GPR160: variants seen among roughly 807,000 people sequenced by gnomAD.
GPR160 encodes probable G protein-coupled receptor 160.
GPR160 carries 2 observed loss-of-function variants against 2.6 expected under a neutral mutation model. The observed-to-expected ratio is 0.77, with a 90% CI of 0.32 to 2.44. The LOEUF (loss-of-function observed/expected upper bound fraction) is 2.44. Ranked by LOEUF, GPR160 falls within the 30% of genes most tolerant of loss-of-function variation. The probability of loss-of-function intolerance (pLI) is 0.11; values close to 1 mark genes in which losing one functional copy is unlikely to be tolerated. For missense variants in GPR160, 351 were observed against 383.6 expected, an observed-to-expected ratio of 0.91 and a Z score of 0.71; for synonymous variants, 130 against 132.2, an observed-to-expected ratio of 0.98 and a Z score of 0.12.
At chr3:170,077,194 A>G (rs1031965400) in intron 2 of GPR160, 1 of 152,254 alleles carries the variant, frequency 6.6e-6, no homozygotes, top group African/African-American at 2.4e-5. Context: ...ACAGTAAACC[A>G]GAATGTTCAT....
At chr3:170,060,402 C>T (rs1711877024) in intron 2 of GPR160, among the ~76,000 whole-genome samples, 1 of 152,118 alleles carries the variant, frequency 6.6e-6, no homozygotes. Flanking sequence ...TCAGGTGAAA[C>T]TTTGTTATGC....
At chr3:170,048,452 A>G (rs1224047699) in intron 2 of GPR160, among the ~76,000 whole-genome samples, 1 of 152,128 alleles carries the variant, frequency 6.6e-6, no homozygotes, top group Admixed American at 6.5e-5. Flanking sequence ...GTATTCCCCT[A>G]TGTCTTTATA....
At chr3:170,060,770 C>G (rs942224201) in intron 2 of GPR160, among the ~76,000 whole-genome samples, 2 of 151,940 alleles carry the variant, frequency 1.3e-5, no homozygotes, top group African/African-American at 4.8e-5. Context: ...GACCCTGTCT[C>G]AAAATAATAC....
At position 170,084,941 on chromosome 3, in the gene GPR160, T is replaced by G. The variant is rs1713350263; in HGVS notation, c.969T>G (p.Ile323Met). Reference sequence around the variant, plus strand: ...AGTGCTGCTTCATTCCACTTACAATTCCTAATCTTGAGCAAATTGAAAAGC... The same window carrying G: ...AGTGCTGCTTCATTCCACTTACAATGCCTAATCTTGAGCAAATTGAAAAGC... ...NWKCCFIPLT[I>M]PNLEQIEKPI... Residue 323 changes from isoleucine to methionine, a missense_variant, in exon 4 of 4, where the codon ATT becomes ATG. By Grantham distance (10) the Ile-to-Met change is conservative (BLOSUM62 1). Transcript: ENST00000355897. The G allele has an allele frequency of 1.3e-6, 2 of 1,588,882 alleles. No homozygotes were observed. The highest frequency in any genetic ancestry group is 2.7e-5 in the African/African-American group (2 of 73,544).
chr3:170,041,394 C>T (rs186178081), intron 2 of GPR160, among the ~76,000 whole-genome samples: 3,109 of 151,226 alleles, frequency 0.021, 42 homozygotes, highest in East Asian at 0.053. Context: ...CTCCACCTCC[C>T]GGGTTCACGC....
chr3:170,083,001 G>GT (rs1171089140), intron 3 of GPR160, among the ~76,000 whole-genome samples: 38 of 141,168 alleles, frequency 2.7e-4, no homozygotes, highest in African/African-American at 8.6e-4. Context: ...TTTTGTTTTT[G>GT]TTTTTTTGCT....
intron 2 of GPR160, among the ~76,000 whole-genome samples, chr3:170,061,357 A>G (rs2108327132): frequency 6.6e-6 from 1 of 152,116 alleles, no homozygotes; most frequent in African/African-American, 2.4e-5. Flanking sequence ...CATGACAAAT[A>G]TGTGATCCTT....
intron 2 of GPR160, among the ~76,000 whole-genome samples, chr3:170,047,128 C>T (rs958020124): frequency 5.3e-5 from 8 of 152,252 alleles, no homozygotes; most frequent in African/African-American, 1.9e-4. Flanking sequence ...TTGGATTCTC[C>T]CTCCTGCCCC....
At chr3:170,062,705 A>G (rs1712030790) in intron 2 of GPR160, 1 of 1,396,960 alleles carries the variant, frequency 7.2e-7, no homozygotes, top group Non-Finnish European at 1.0e-6. Flanking sequence ...GGCCCCCGAA[A>G]AAAAGCTCAA....
intron 2 of GPR160, among the ~76,000 whole-genome samples, chr3:170,055,651 T>C (rs1366193994): frequency 6.6e-6 from 1 of 151,446 alleles, no homozygotes; most frequent in Non-Finnish European, 1.5e-5. Flanking sequence ...TTTTTTTTTT[T>C]TGAGACGGAG....
rs192778550 is a variant in GPR160 at position 170,068,003 on chromosome 3, G to C, written c.-192-11771G>C. ...GCCATATAGGAGGCACAAAATGTCTGGTTGTCTCTCCTGTTGAGATGATGG... is the reference window on the plus strand; with the variant it reads ...GCCATATAGGAGGCACAAAATGTCTCGTTGTCTCTCCTGTTGAGATGATGG... On this transcript the variant is annotated intron_variant, in intron 2 of 3. Transcript: ENST00000355897. Among the ~76,000 whole-genome samples, 59 of 152,256 alleles carry C rather than the reference G, an allele frequency of 3.9e-4. 1 individual carries two copies. Among genetic ancestry groups the C allele is most frequent in the East Asian group, 5.8e-4 (3 of 5,180 alleles).
At chr3:170,041,467 A>G (rs923915144) in intron 2 of GPR160, among the ~76,000 whole-genome samples, 3 of 152,034 alleles carry the variant, frequency 2.0e-5, no homozygotes, top group Admixed American at 1.3e-4. Flanking sequence ...ACGCCCGGCT[A>G]ATTTTTAGTA....
intron 2 of GPR160, among the ~76,000 whole-genome samples, chr3:170,051,868 G>A (rs1277544168): frequency 6.6e-6 from 1 of 152,142 alleles, no homozygotes; most frequent in Non-Finnish European, 1.5e-5. Context: ...TTTATGGTTT[G>A]TGTTTTTAAT....
chr3:170,083,877 T>A, intron 3 of GPR160, 28 bp from the exon 4 acceptor site: 1 of 637,460 alleles, frequency 1.6e-6, no homozygotes, highest in Non-Finnish European at 2.6e-6. Flanking sequence ...TAGGTAACAT[T>A]AAGGTTTTCT....
intron 2 of GPR160, among the ~76,000 whole-genome samples, chr3:170,052,629 C>T (rs1717007784): frequency 6.6e-6 from 1 of 152,114 alleles, no homozygotes; most frequent in South Asian, 2.1e-4. Context: ...GTCTGGTAGT[C>T]TGGGCACAAG....
chr3:170,074,786 T>G (rs1242533931), intron 2 of GPR160, among the ~76,000 whole-genome samples: 1 of 151,950 alleles, frequency 6.6e-6, no homozygotes, highest in Non-Finnish European at 1.5e-5. Flanking sequence ...CCTGGCCTTA[T>G]TTTTGTTTGT....
chr3:170,063,857 A>G (rs1162723037), intron 2 of GPR160, among the ~76,000 whole-genome samples: 1 of 152,258 alleles, frequency 6.6e-6, no homozygotes, highest in East Asian at 1.9e-4. Context: ...GCGGGCCGGC[A>G]TAGATTTCCT....
intron 2 of GPR160, among the ~76,000 whole-genome samples, chr3:170,044,055 G>C (rs981813209): frequency 1.1e-4 from 16 of 151,318 alleles, no homozygotes; most frequent in African/African-American, 3.9e-4. Flanking sequence ...AGAGGCTCTT[G>C]TTGCAAGAAA....
intron 2 of GPR160, among the ~76,000 whole-genome samples, chr3:170,044,101 G>A (rs1716587486): frequency 6.6e-6 from 1 of 151,918 alleles, no homozygotes; most frequent in Non-Finnish European, 1.5e-5. Flanking sequence ...AAGGTGCGGG[G>A]ATCACCTGAG....
Sources: gnomAD v4.1 joint callset for allele counts (sites outside exome capture counted in the v4.1 genomes callset) on GRCh38, gnomAD v4.1.1 for gene constraint, MANE v1.5 for transcripts, NCBI Gene and HGNC (gene_info 2026-07-23, HGNC 2026-07-21) for gene names.